The following AMZ1 variants were observed in gnomAD, a reference collection of about 807,000 sequenced individuals.
AMZ1 encodes the protein archaemetzincin-1.
Under a neutral mutation model 29.9 loss-of-function variants are expected in AMZ1, and 39 were observed. That is an observed-to-expected ratio of 1.30 (90% CI 1.01 to 1.70). AMZ1 has a LOEUF of 1.70. Ranked by LOEUF, AMZ1 falls within the 40% of genes most tolerant of loss-of-function variation. AMZ1 has a pLI of 0.00. For missense variants in AMZ1, 1,041 were observed against 680.6 expected (o/e 1.53, Z -5.89); for synonymous variants, 458 against 304.0 (o/e 1.51, Z -5.27).
chr7:2,734,010 C>T (rs1460000016), intron 4 of AMZ1, among the ~76,000 whole-genome samples: 3 of 152,362 alleles, frequency 2.0e-5, no homozygotes, highest in Non-Finnish European at 4.4e-5. Flanking sequence ...GTCCATTATT[C>T]CTTCCCACAT....
intron 3 of AMZ1, among the ~76,000 whole-genome samples, chr7:2,706,334 T>G (rs1788353726): frequency 6.6e-6 from 1 of 152,204 alleles, no homozygotes; most frequent in African/African-American, 2.4e-5. Context: ...ACCTGGCTAA[T>G]TATTTTGATT....
chr7:2,705,433 T>G (rs950927021), intron 3 of AMZ1, among the ~76,000 whole-genome samples: 1 of 152,204 alleles, frequency 6.6e-6, no homozygotes, highest in African/African-American at 2.4e-5. Flanking sequence ...AGTGTAAGGT[T>G]CTGAGTCTTG....
intron 4 of AMZ1, among the ~76,000 whole-genome samples, chr7:2,738,271 T>C (rs183398605): frequency 3.5e-5 from 5 of 144,236 alleles, no homozygotes; most frequent in African/African-American, 1.3e-4. Context: ...AAAAACAGAG[T>C]GAGGCTCCAT....
intron 3 of AMZ1, among the ~76,000 whole-genome samples, chr7:2,706,079 G>A (rs1478515264): frequency 6.6e-6 from 1 of 152,242 alleles, no homozygotes; most frequent in African/African-American, 2.4e-5. Flanking sequence ...GGTGCACGGG[G>A]GAGCCCTCGG....
intron 4 of AMZ1, chr7:2,730,888 T>C (rs1789855137): frequency 5.5e-6 from 2 of 364,338 alleles, no homozygotes; most frequent in Middle Eastern, 7.9e-4. Context: ...AAGAGGAACG[T>C]TTCTGTAAAA....
chr7:2,700,325 A>T lies in AMZ1; in HGVS notation c.-127A>T. 2 of 1,106,112 alleles carry T rather than the reference A, an allele frequency of 1.8e-6. No homozygotes were observed. 68.5% of individuals were successfully genotyped at this position (1,106,112 alleles called of 1,614,324 possible). The stretch of plus-strand genomic sequence containing the variant: ...GGCCCTTGGACCAGTGTCTGTCTGC[A>T]GGGAGCCCCCGGTAGCCACTCGGAT... On this transcript the variant is annotated 5_prime_UTR_variant, in exon 2 of 7. Transcript: ENST00000683327.
At chr7:2,694,579 C>G (rs184109420) in intron 1 of AMZ1, among the ~76,000 whole-genome samples, 1 of 151,828 alleles carries the variant, frequency 6.6e-6, no homozygotes, top group South Asian at 2.1e-4. Flanking sequence ...TGTGAGCCAC[C>G]GTACCTGGTC....
At chr7:2,740,687 G>A (rs1249707087) in intron 4 of AMZ1, among the ~76,000 whole-genome samples, 1 of 152,130 alleles carries the variant, frequency 6.6e-6, no homozygotes, top group Non-Finnish European at 1.5e-5. Context: ...GTATCTGTTG[G>A]GCTCATTCTT....
At chr7:2,698,460 C>T (rs1249608836) in intron 1 of AMZ1, among the ~76,000 whole-genome samples, 1 of 152,036 alleles carries the variant, frequency 6.6e-6, no homozygotes, top group East Asian at 1.9e-4. Context: ...ATTGCTTGAA[C>T]CCGGGAGGTG....
At chr7:2,691,514 G>C (rs868342757) in intron 1 of AMZ1, among the ~76,000 whole-genome samples, 1 of 148,680 alleles carries the variant, frequency 6.7e-6, no homozygotes, top group South Asian at 2.1e-4. Context: ...AGGCCGAGGC[G>C]GGTGGATCAC....
chr7:2,746,254 G>C (rs1317295181), intron 4 of AMZ1, among the ~76,000 whole-genome samples: 1 of 152,096 alleles, frequency 6.6e-6, no homozygotes, highest in Non-Finnish European at 1.5e-5. Context: ...TTCCAAAATT[G>C]ACCACTTGAT....
intron 4 of AMZ1, among the ~76,000 whole-genome samples, chr7:2,743,929 A>G (rs1242269996): frequency 6.6e-6 from 1 of 152,000 alleles, no homozygotes; most frequent in Non-Finnish European, 1.5e-5. Flanking sequence ...TTGCTAGCAC[A>G]GCAGTCTGAG....
At position 2,731,076 on chromosome 7, in the gene AMZ1, G is replaced by T; in HGVS notation, n.550+21260G>T. The T allele has an allele frequency of 1.4e-6, 1 of 735,960 alleles. No homozygotes were observed. The highest frequency in any genetic ancestry group is 1.8e-5 in the South Asian group (1 of 56,094). 45.6% of individuals were successfully genotyped at this position (735,960 alleles called of 1,614,324 possible). ...CCTGAGCCAGGTATTCCAGGGCACGGATCCGAGAAACCCACTCAAGGACCA... is the reference window on the plus strand; with the variant it reads ...CCTGAGCCAGGTATTCCAGGGCACGTATCCGAGAAACCCACTCAAGGACCA... On this transcript the variant is annotated intron_variant and non_coding_transcript_variant, in intron 4 of 4. Coordinates refer to the AMZ1 transcript ENST00000489665. This position sits in a 1 kb window ranked among gnomAD's most constrained non-coding sequence, Gnocchi z 6.0.
chr7:2,762,244 A>G, upstream of AMZ1: 1 of 200,052 alleles, frequency 5.0e-6, no homozygotes, highest in Non-Finnish European at 1.0e-5. Context: ...CACTGCTAGG[A>G]AACACCACCC....
At chr7:2,699,536 C>CT (rs914498117) in intron 1 of AMZ1, among the ~76,000 whole-genome samples, 1 of 152,044 alleles carries the variant, frequency 6.6e-6, no homozygotes, top group Non-Finnish European at 1.5e-5. Context: ...CCCCCGCCCC[C>CT]CCCCAAACAT....
rs1409777846 is a variant in AMZ1, at chr7:2,712,338, C to A, written c.957C>A (p.Tyr319Ter). The A allele has an allele frequency of 2.5e-6, 4 of 1,586,812 alleles. No individual in the cohort carries two copies. Among genetic ancestry groups the A allele is most frequent in the Non-Finnish European group, 2.6e-6 (3 of 1,166,018 alleles). Residue 319 changes from tyrosine (Y) to a stop codon, truncating the protein, a stop_gained, in exon 7 of 7, where the codon TAC (tyrosine) becomes TAA (stop). Transcript: ENST00000683327. LOFTEE classifies it low-confidence loss of function (END_TRUNC). ...FRLIERYQRLYTWTQAVVGTW... is the reference protein window; with the variant it reads ...FRLIERYQRL ...GTGTTTCTCCCTCTTAGAGACTCTA[C>A]ACCTGGACTCAGGCGGTGGTGGGGA...
intron 4 of AMZ1, among the ~76,000 whole-genome samples, chr7:2,725,569 C>A (rs548622467): frequency 6.6e-6 from 1 of 152,326 alleles, no homozygotes; most frequent in South Asian, 2.1e-4. Flanking sequence ...GTCTCAGTGA[C>A]CTGAAGACTT....
rs578203963 is a variant in AMZ1, at chr7:2,680,277, C to A, written c.-219+606C>A. Among the ~76,000 whole-genome samples the A allele has an allele frequency of 1.4e-3, 219 of 152,212 alleles. 1 individual carries two copies. Among genetic ancestry groups the A allele is most frequent in the African/African-American group, 5.1e-3 (210 of 41,530 alleles). On this transcript the variant is annotated intron_variant, in intron 1 of 6. Coordinates refer to the AMZ1 transcript ENST00000312371. ...TCTCACCAGGGGGCTGCTTCTGGAG[C>A]CCCCATTAACAGGCACTCGGCTCTC...
In AMZ1 at chr7:2,717,985, C is replaced by A. The variant is rs377716268; in HGVS notation, c.*5107C>A. 2.0e-5 allele frequency among the ~76,000 whole-genome samples: 3 copies of A among 152,314 alleles called. No homozygotes were observed. The highest frequency in any genetic ancestry group is 3.9e-4 in the East Asian group (2 of 5,174). ...CACCGGAGTCGAGCAAACACGGCGG[C>A]CCCTGCCTCCCCCGGCGGCTCCACA... On this transcript the variant is annotated 3_prime_UTR_variant, in exon 7 of 7. Transcript: ENST00000683327.
Sources: allele counts gnomAD v4.1 joint callset (sites outside exome capture counted in the v4.1 genomes callset), GRCh38; gene constraint gnomAD v4.1.1; non-coding constraint Gnocchi (gnomAD v3.1); transcripts MANE v1.5; gene names NCBI Gene and HGNC (gene_info 2026-07-23, HGNC 2026-07-21).